The following DLG2 variants were observed in gnomAD, a reference collection of about 807,000 sequenced individuals.
The protein encoded by DLG2 is disks large homolog 2.
In DLG2, 45 loss-of-function variants were observed where a neutral mutation model predicts 132.5. The observed-to-expected ratio is 0.34, with a 90% CI of 0.27 to 0.44. The LOEUF (loss-of-function observed/expected upper bound fraction) is 0.44. Ranked by LOEUF, DLG2 falls within the 20% of genes least tolerant of loss-of-function variation. DLG2 has a pLI of 1.00. For synonymous variants in DLG2, 424 were observed against 419.6 expected, an observed-to-expected ratio of 1.01 and a Z score of -0.13; for missense variants, 1,045 against 1,196.9, an observed-to-expected ratio of 0.87 and a Z score of 1.87.
intron 6 of DLG2, among the ~76,000 whole-genome samples, chr11:84,868,308 T>A (rs1012350047): frequency 6.6e-6 from 1 of 151,850 alleles, no homozygotes; most frequent in African/African-American, 2.4e-5. Context: ...GCCAAGAAAT[T>A]TGCAGTAGTA....
intron 5 of DLG2, chr11:85,132,811 A>T (rs1032765048): frequency 2.2e-6 from 1 of 456,630 alleles, no homozygotes; most frequent in African/African-American, 2.0e-5. Flanking sequence ...GGATCCCTAC[A>T]CAGGACTCAG....
At chr11:84,515,797 T>G (rs953270427) in intron 7 of DLG2, among the ~76,000 whole-genome samples, 11 of 151,800 alleles carry the variant, frequency 7.2e-5, no homozygotes, top group African/African-American at 2.7e-4. Context: ...CTTTTTTAAG[T>G]GCACATAGAG....
At chr11:85,466,381 T>G (rs1474127986) in intron 3 of DLG2, among the ~76,000 whole-genome samples, 2 of 152,228 alleles carry the variant, frequency 1.3e-5, no homozygotes, top group African/African-American at 4.8e-5. Flanking sequence ...ATGAAGTCCT[T>G]GCCCATGCCT....
intron 4 of DLG2, among the ~76,000 whole-genome samples, chr11:85,195,817 C>T (rs1009511946): frequency 2.6e-5 from 4 of 152,046 alleles, no homozygotes; most frequent in Admixed American, 6.5e-5. Flanking sequence ...TGAGCCACCG[C>T]GCCCGGCCGA....
intron 10 of DLG2, among the ~76,000 whole-genome samples, chr11:84,073,966 G>A (rs1566356273): frequency 6.6e-6 from 1 of 152,078 alleles, no homozygotes; most frequent in Non-Finnish European, 1.5e-5. Context: ...TTTATGAGAT[G>A]TATAAAATAT....
intron 10 of DLG2, among the ~76,000 whole-genome samples, chr11:84,080,270 T>C (rs2096884312): frequency 6.6e-6 from 1 of 152,238 alleles, no homozygotes; most frequent in African/African-American, 2.4e-5. Flanking sequence ...TTATGCTTAT[T>C]ATATCACTTA....
Position 84,139,179 on chromosome 11 carries a change from C to G in DLG2, c.624+24282G>C, listed in dbSNP as rs563945519. Among the ~76,000 whole-genome samples the G allele has an allele frequency of 9.2e-5, 14 of 152,254 alleles. No homozygotes were observed. The South Asian group carries it at 2.9e-3, about 32-fold the overall frequency. ...GTCTCCCCTTCTACCTTTAATCTCT[C>G]TGAGGGCAGAGACTGTCTCATTCAT... On this transcript the variant is annotated intron_variant, in intron 9 of 27. Coordinates refer to ENST00000376104, the MANE Select transcript of DLG2 (RefSeq NM_001142699.3).
chr11:84,615,946 A>G (rs1392732604), intron 6 of DLG2, among the ~76,000 whole-genome samples: 1 of 151,968 alleles, frequency 6.6e-6, no homozygotes. Context: ...TGGTAAAGAA[A>G]AATATATATA....
chr11:84,795,650 C>T (rs1051583530), intron 6 of DLG2, among the ~76,000 whole-genome samples: 2 of 152,124 alleles, frequency 1.3e-5, no homozygotes, highest in Non-Finnish European at 2.9e-5. Context: ...AGGGCTGAAA[C>T]ACATCCTTTG....
chr11:84,717,522 C>T (rs983788038), intron 6 of DLG2, among the ~76,000 whole-genome samples: 2 of 151,752 alleles, frequency 1.3e-5, no homozygotes, highest in African/African-American at 2.4e-5. Flanking sequence ...ATTTGCTGAT[C>T]AAATGGAATA....
At chr11:83,647,230 A>G (rs879314463) in intron 18 of DLG2, 2 of 145,526 alleles carry the variant, frequency 1.4e-5, no homozygotes, top group Non-Finnish European at 3.0e-5. Context: ...AAGCCTGGTT[A>G]CCAGGTTCTG....
chr11:84,825,273 A>G (rs2078197613), intron 6 of DLG2, among the ~76,000 whole-genome samples: 1 of 151,822 alleles, frequency 6.6e-6, no homozygotes, highest in African/African-American at 2.4e-5. Flanking sequence ...CTGTATTTGT[A>G]TTGGTACAAT....
At chr11:84,723,800 T>C (rs1305678892) in intron 6 of DLG2, among the ~76,000 whole-genome samples, 5 of 152,146 alleles carry the variant, frequency 3.3e-5, no homozygotes, top group Non-Finnish European at 7.4e-5. Context: ...CAATGATTGA[T>C]AAAATTTACA....
intron 19 of DLG2, among the ~76,000 whole-genome samples, chr11:83,545,784 C>T (rs1441410031): frequency 1.3e-5 from 2 of 152,050 alleles, no homozygotes; most frequent in Non-Finnish European, 2.9e-5. Context: ...CAATCTGCCC[C>T]TCTAGGATTA....
At chr11:84,778,502 T>C (rs1272555244) in intron 6 of DLG2, among the ~76,000 whole-genome samples, 1 of 152,218 alleles carries the variant, frequency 6.6e-6, no homozygotes, top group Non-Finnish European at 1.5e-5. Flanking sequence ...GTTGGTATTT[T>C]GATAAAAAAT....
At chr11:83,736,494 A>G (rs1474788283) in intron 18 of DLG2, among the ~76,000 whole-genome samples, 3 of 152,078 alleles carry the variant, frequency 2.0e-5, no homozygotes, top group African/African-American at 7.2e-5. Context: ...TCTTGGCAAG[A>G]TTGGCTATTT....
chr11:85,183,911 G>T (rs911578036), intron 4 of DLG2, among the ~76,000 whole-genome samples: 3 of 151,986 alleles, frequency 2.0e-5, no homozygotes, highest in African/African-American at 4.8e-5. Context: ...CATCTATTAT[G>T]TGCTGGGCAC....
intron 3 of DLG2, among the ~76,000 whole-genome samples, chr11:85,458,621 G>C (rs2092498560): frequency 2.0e-5 from 3 of 152,180 alleles, no homozygotes; most frequent in African/African-American, 7.2e-5. Flanking sequence ...TGTTTTCAGA[G>C]GGCTGAGGCT....
intron 8 of DLG2, among the ~76,000 whole-genome samples, chr11:84,230,072 T>C (rs1191660081): frequency 2.6e-5 from 4 of 152,342 alleles, no homozygotes; most frequent in African/African-American, 7.2e-5. Flanking sequence ...TTGCAAGTTA[T>C]AATTTTTCAA....
Sources: allele counts gnomAD v4.1 joint callset (sites outside exome capture counted in the v4.1 genomes callset), GRCh38; gene constraint gnomAD v4.1.1; transcripts MANE v1.5; gene names NCBI Gene and HGNC (gene_info 2026-07-23, HGNC 2026-07-21).